DCP1A: variants seen among roughly 807,000 people sequenced by gnomAD.
DCP1A encodes decapping mRNA 1A.
Under a neutral mutation model 58.0 loss-of-function variants are expected in DCP1A, and 20 were observed. The ratio of observed to expected loss-of-function variants is 0.34; its 90% confidence interval spans 0.24 to 0.50. The LOEUF is 0.50. Ranked by LOEUF, DCP1A falls within the 20% of genes least tolerant of loss-of-function variation. The pLI is 0.98. For synonymous variants in DCP1A, 285 were observed against 275.1 expected (o/e 1.04, Z -0.36); for missense variants, 613 against 712.2 (o/e 0.86, Z 1.59).
chr3:53,316,803 T>C (rs1575608116), intron 4 of DCP1A, among the ~76,000 whole-genome samples: 1 of 152,078 alleles, frequency 6.6e-6, no homozygotes, highest in East Asian at 1.9e-4. Flanking sequence ...ATTTAAGCAA[T>C]TGTCCCTTTT....
At chr3:53,332,536 T>C (rs1450935355) in intron 3 of DCP1A, among the ~76,000 whole-genome samples, 2 of 152,180 alleles carry the variant, frequency 1.3e-5, no homozygotes, top group Non-Finnish European at 2.9e-5. Flanking sequence ...GTTGTTATAG[T>C]GGAGTTTTTT....
chr3:53,287,935 G>A, intron 9 of DCP1A, 130 bp downstream of exon 9: 1 of 914,748 alleles, frequency 1.1e-6, no homozygotes, highest in Non-Finnish European at 1.6e-6. Flanking sequence ...GATTACAGGT[G>A]TGAGCCACTT....
At chr3:53,327,927 A>G (rs1338423361) in intron 3 of DCP1A, among the ~76,000 whole-genome samples, 1 of 152,000 alleles carries the variant, frequency 6.6e-6, no homozygotes, top group African/African-American at 2.4e-5. Flanking sequence ...GTTCAAGACC[A>G]GCCTGGCCAA....
At chr3:53,346,608 G>A (rs1202425349) in intron 1 of DCP1A, among the ~76,000 whole-genome samples, 1 of 152,166 alleles carries the variant, frequency 6.6e-6, no homozygotes, top group Non-Finnish European at 1.5e-5. Flanking sequence ...TTCAAGCAGG[G>A]GCTAACAAGA....
rs980410815 is a variant in DCP1A at position 53,285,512 on chromosome 3, T to C, written c.*2068A>G. 6.6e-6 allele frequency: 1 copy of C among 152,212 alleles called. No individual in the cohort carries two copies. Among genetic ancestry groups the C allele is most frequent in the African/African-American group, 2.4e-5 (1 of 41,450 alleles). The allele number at this position is 152,212 out of a possible 1,614,324, so 9.4% of individuals were successfully genotyped here. On this transcript the variant is annotated 3_prime_UTR_variant, in exon 10 of 10. Coordinates refer to ENST00000610213, the MANE Select transcript of DCP1A (RefSeq NM_018403.7). ...CAGGTTTACCCTTTTCAAGTCTCCA[T>C]GACTTGGGCACTTAAGTTTACTTTC...
At chr3:53,314,795 C>T (rs1157160978) in intron 4 of DCP1A, among the ~76,000 whole-genome samples, 1 of 151,386 alleles carries the variant, frequency 6.6e-6, no homozygotes, top group Non-Finnish European at 1.5e-5. Context: ...CCTCAGCCTC[C>T]CTAGTAGCTG....
chr3:53,319,289 TA>T, intron 4 of DCP1A, 117 bp downstream of exon 4: 2 of 602,076 alleles, frequency 3.3e-6, no homozygotes, highest in Non-Finnish European at 5.7e-6. Context: ...TTTTTGGCAG[TA>T]AAAAGAAATT....
intron 5 of DCP1A, among the ~76,000 whole-genome samples, chr3:53,310,670 C>T (rs569678781): frequency 6.6e-6 from 1 of 152,300 alleles, no homozygotes; most frequent in East Asian, 1.9e-4. Flanking sequence ...CATTTGGTTT[C>T]CTAAGAATCG....
intron 2 of DCP1A, among the ~76,000 whole-genome samples, chr3:53,343,335 C>T (rs564717078): frequency 3.9e-5 from 6 of 152,278 alleles, no homozygotes; most frequent in Admixed American, 2.6e-4. Context: ...ATCCAAGGTA[C>T]GCAAAATAGT....
chr3:53,329,135 G>A (rs1708188928), intron 3 of DCP1A: 1 of 386,008 alleles, frequency 2.6e-6, no homozygotes, highest in African/African-American at 2.1e-5. Context: ...TTCTTGCGCT[G>A]TGCTTTAAAA....
At chr3:53,305,807 T>C (rs1439667898) in intron 5 of DCP1A, among the ~76,000 whole-genome samples, 2 of 152,242 alleles carry the variant, frequency 1.3e-5, no homozygotes, top group African/African-American at 4.8e-5. Context: ...TAGGTTTTTT[T>C]TGTCGCATAT....
intron 3 of DCP1A, among the ~76,000 whole-genome samples, chr3:53,332,320 A>G (rs994763473): frequency 6.6e-6 from 1 of 152,204 alleles, no homozygotes; most frequent in Non-Finnish European, 1.5e-5. Flanking sequence ...AGTCCATTCA[A>G]ATCTATTTAT....
chr3:53,342,876 T>C (rs1327179596), intron 2 of DCP1A, among the ~76,000 whole-genome samples: 3 of 152,224 alleles, frequency 2.0e-5, no homozygotes, highest in African/African-American at 7.2e-5. Context: ...TATCCCAAGA[T>C]AGACACACAG....
At chr3:53,342,645 C>T (rs2089226839) in intron 2 of DCP1A, among the ~76,000 whole-genome samples, 1 of 152,198 alleles carries the variant, frequency 6.6e-6, no homozygotes, top group Non-Finnish European at 1.5e-5. Context: ...TGGATTACTG[C>T]CCCAGAAGCT....
intron 6 of DCP1A, among the ~76,000 whole-genome samples, chr3:53,295,953 C>T (rs1707110671): frequency 6.7e-6 from 1 of 149,384 alleles, no homozygotes; most frequent in African/African-American, 2.5e-5. Flanking sequence ...AGTGCGGTGG[C>T]GTGACCTCGG....
At chr3:53,319,776 A>G (rs1018424978) in intron 3 of DCP1A, among the ~76,000 whole-genome samples, 2 of 152,192 alleles carry the variant, frequency 1.3e-5, no homozygotes, top group Admixed American at 1.3e-4. Flanking sequence ...CAAGCTTTTA[A>G]GCAAAAGGCT....
rs541322229 is a variant in DCP1A at position 53,287,692 on chromosome 3, A to T, written c.1669-32T>A. The T allele has an allele frequency of 3.6e-4, 531 of 1,484,884 alleles. 7 individuals are homozygous for T. In the South Asian group the frequency reaches 5.8e-3, roughly 16 times the overall value. 92.0% of individuals were successfully genotyped at this position (1,484,884 alleles called of 1,614,324 possible). On this transcript the variant is annotated intron_variant, in intron 9 of 9. Coordinates refer to ENST00000610213, the MANE Select transcript of DCP1A (RefSeq NM_018403.7). ...GAGATGGTAAAGGTTAAGGATACGA[A>T]TGCCACATTTACCTCATCAGATTTT... is the stretch of plus-strand genomic sequence containing the variant.
chr3:53,294,116 C>T (rs946343135), intron 6 of DCP1A, among the ~76,000 whole-genome samples: 5 of 152,136 alleles, frequency 3.3e-5, no homozygotes, highest in African/African-American at 4.8e-5. Flanking sequence ...AGAGAAGAAG[C>T]GGGCAGACTG....
At chr3:53,304,387 T>C (rs1707405481) in intron 5 of DCP1A, 97 bp from the exon 6 acceptor site, 5 of 837,466 alleles carry the variant, frequency 6.0e-6, no homozygotes, top group Non-Finnish European at 9.3e-6. Flanking sequence ...AATGTTATTT[T>C]TTAAAAAGAA....
Sources: gnomAD v4.1 joint callset for allele counts (sites outside exome capture counted in the v4.1 genomes callset) on GRCh38, gnomAD v4.1.1 for gene constraint, MANE v1.5 for transcripts, NCBI Gene and HGNC (gene_info 2026-07-23, HGNC 2026-07-21) for gene names.